BMP7: variants seen among roughly 807,000 people sequenced by gnomAD.
BMP7 encodes osteogenic protein 1.
A neutral mutation model predicts 41.2 loss-of-function variants in BMP7; 12 were observed. The observed-to-expected ratio is 0.29, with a 90% CI of 0.19 to 0.47. The LOEUF (loss-of-function observed/expected upper bound fraction) is 0.47. Ranked by LOEUF, BMP7 falls within the 20% of genes least tolerant of loss-of-function variation. BMP7 has a pLI of 0.99. For synonymous variants in BMP7, 248 were observed against 250.0 expected (o/e 0.99, Z 0.07); for missense variants, 467 against 606.0 (o/e 0.77, Z 2.41).
At chr20:57,195,229 C>T (rs948159820) in intron 3 of BMP7, among the ~76,000 whole-genome samples, 1 of 152,206 alleles carries the variant, frequency 6.6e-6, no homozygotes, top group African/African-American at 2.4e-5. Flanking sequence ...CCACCCACGC[C>T]GCACAGGGGT....
chr20:57,186,233 G>A (rs913194294), intron 3 of BMP7, among the ~76,000 whole-genome samples: 10 of 152,178 alleles, frequency 6.6e-5, no homozygotes, highest in Admixed American at 2.6e-4. Flanking sequence ...GGAATGCAAC[G>A]GAGACTGTGC....
chr20:57,198,591 A>T (rs1433840297), intron 3 of BMP7, among the ~76,000 whole-genome samples: 1 of 152,174 alleles, frequency 6.6e-6, no homozygotes, highest in Non-Finnish European at 1.5e-5. Flanking sequence ...GCTGCTCCGC[A>T]TGGTGACTCA....
chr20:57,220,381 C>T (rs1486873876), intron 2 of BMP7, among the ~76,000 whole-genome samples: 2 of 152,176 alleles, frequency 1.3e-5, no homozygotes, highest in African/African-American at 4.8e-5. Context: ...CAGATGACTG[C>T]TTGTGACCAA....
chr20:57,183,355 C>T (rs1035252433), intron 4 of BMP7, among the ~76,000 whole-genome samples: 9 of 151,650 alleles, frequency 5.9e-5, no homozygotes, highest in Non-Finnish European at 1.2e-4. Flanking sequence ...CTTCTACCTC[C>T]CCATTTCTTC....
intron 1 of BMP7, among the ~76,000 whole-genome samples, chr20:57,264,316 A>C (rs1475175100): frequency 6.6e-6 from 1 of 152,220 alleles, no homozygotes; most frequent in Non-Finnish European, 1.5e-5. Context: ...ATGTTGACAC[A>C]GCGCCCGTGG....
In BMP7 at chr20:57,213,542, T is replaced by C. The variant is rs202156173; in HGVS notation, c.612-10919A>G. 1.3e-5 allele frequency among the ~76,000 whole-genome samples: 2 copies of C among 152,194 alleles called. No homozygotes were observed. Among genetic ancestry groups the C allele is most frequent in the East Asian group, 1.9e-4 (1 of 5,190 alleles). ...TGTCTGCTCCGGCAATGGAGCGCAG[T>C]AACGAGCCGTTCAAACTTGTGTCAA... On this transcript the variant is annotated intron_variant, in intron 2 of 6. Coordinates refer to ENST00000395863, the MANE Select transcript of BMP7 (RefSeq NM_001719.3). This position sits in a 1 kb window ranked among gnomAD's most constrained non-coding sequence, Gnocchi z 4.4.
Position 57,266,110 on chromosome 20 carries a change from A to T in BMP7, c.13T>A (p.Ser5Thr). 1 of 1,534,514 alleles carries T rather than the reference A, an allele frequency of 6.5e-7. No homozygotes were observed. Among genetic ancestry groups the T allele is most frequent in the Admixed American group, 2.0e-5 (1 of 50,874 alleles). Residue 5 changes from serine (S) to threonine (T), a missense_variant, in exon 1 of 7, where the codon TCA becomes ACA. Physicochemically the swap from Ser to Thr is moderately conservative, Grantham distance 58. Around this residue, in one of 2 missense-constraint regions of BMP7, gnomAD observed 407 missense variants for 485.9 expected, o/e 0.84. Transcript: ENST00000395863. ...CTGTGCGGCGCCGCAGCTCGCAGTG[A>T]GCGCACGTGCATCGCGCCGGCTCTA... Reference protein sequence around the residue: MHVRSLRAAAPHSFV... With the variant: MHVRTLRAAAPHSFV...
chr20:57,260,146 C>T (rs1191871516), intron 1 of BMP7, among the ~76,000 whole-genome samples: 1 of 152,208 alleles, frequency 6.6e-6, no homozygotes, highest in Non-Finnish European at 1.5e-5. Flanking sequence ...CTGCCCAGTA[C>T]ATGACCCTTG....
intron 3 of BMP7, among the ~76,000 whole-genome samples, chr20:57,201,376 C>T (rs763549672): frequency 8.5e-5 from 13 of 152,196 alleles, no homozygotes; most frequent in Admixed American, 1.3e-4. Context: ...AGCTCTTTAA[C>T]GGCTGACAGG....
chr20:57,256,370 A>G (rs181707259), intron 1 of BMP7, among the ~76,000 whole-genome samples: 3 of 152,300 alleles, frequency 2.0e-5, no homozygotes, highest in Admixed American at 2.0e-4. Flanking sequence ...CTTGTGAGAG[A>G]CACTTCAATC....
At chr20:57,240,397 A>G (rs1351732827) in intron 1 of BMP7, among the ~76,000 whole-genome samples, 1 of 152,202 alleles carries the variant, frequency 6.6e-6, no homozygotes, top group African/African-American at 2.4e-5. Flanking sequence ...CCATATCACT[A>G]TCAGCGTTTT....
intron 1 of BMP7, among the ~76,000 whole-genome samples, chr20:57,242,845 A>G (rs1437463957): frequency 3.3e-5 from 5 of 152,096 alleles, no homozygotes; most frequent in African/African-American, 1.2e-4. Context: ...TCTACTAAAA[A>G]TACAAAAATT....
At chr20:57,178,703 G>T (rs568180683) in intron 4 of BMP7, among the ~76,000 whole-genome samples, 22 of 152,138 alleles carry the variant, frequency 1.4e-4, no homozygotes, top group Admixed American at 5.2e-4. Context: ...CTTCCCTGTG[G>T]GGGGGTAGAA....
chr20:57,170,827 T>C lies in BMP7; in HGVS notation c.*132A>G, dbSNP rs146474821. On this transcript the variant is annotated 3_prime_UTR_variant, in exon 7 of 7. Transcript: ENST00000395863. ...ATGCTGCTCATGTTTCCTAATACTC[T>C]CACACCTTTAAAGTTGGGGATAGGG... The C allele has an allele frequency of 3.9e-4, 465 of 1,185,260 alleles. 1 individual carries two copies. In the African/African-American group the frequency reaches 5.6e-3, roughly 14 times the overall value. The allele number at this position is 1,185,260 out of a possible 1,614,324, so 73.4% of individuals were successfully genotyped here.
At chr20:57,190,136 G>A (rs368917493) in intron 3 of BMP7, among the ~76,000 whole-genome samples, 48 of 152,208 alleles carry the variant, frequency 3.2e-4, no homozygotes, top group African/African-American at 1.1e-3. Context: ...GATAGTGAGC[G>A]AGGAACCGGA....
intron 4 of BMP7, among the ~76,000 whole-genome samples, chr20:57,182,696 A>G (rs1984113199): frequency 1.3e-5 from 2 of 152,326 alleles, no homozygotes; most frequent in East Asian, 3.9e-4. Flanking sequence ...GTGAAGTGGG[A>G]GGCCATCTAC....
chr20:57,250,128 C>T (rs2066106203), intron 1 of BMP7, among the ~76,000 whole-genome samples: 1 of 151,872 alleles, frequency 6.6e-6, no homozygotes, highest in African/African-American at 2.4e-5. Context: ...TGGGCTGGTC[C>T]TCACTTAAAA....
chr20:57,241,397 G>C (rs956371105), intron 1 of BMP7, among the ~76,000 whole-genome samples: 9 of 152,184 alleles, frequency 5.9e-5, no homozygotes, highest in African/African-American at 2.2e-4. Flanking sequence ...GAGGGAGGGA[G>C]GCTGACAGCC....
In BMP7 at chr20:57,171,163, T is replaced by C. The variant is rs1179537222; in HGVS notation, c.1147-55A>G. 13 of 1,610,982 alleles carry C rather than the reference T, an allele frequency of 8.1e-6. No individual in the cohort carries two copies. The highest frequency in any genetic ancestry group is 5.5e-5 in the South Asian group (5 of 90,784). ...GTGAGAAGCGGTGAGTCGTTCTAAC[T>C]GGCCTCCACGTTTCTATAAAGAAAC... On this transcript the variant is annotated intron_variant, in intron 6 of 6. Coordinates refer to ENST00000395863, the MANE Select transcript of BMP7 (RefSeq NM_001719.3). The surrounding 1 kb of genome is among the most constrained non-coding windows in gnomAD (Gnocchi z 4.5).
Sources: allele counts gnomAD v4.1 joint callset (sites outside exome capture counted in the v4.1 genomes callset), GRCh38; gene constraint gnomAD v4.1.1; regional missense constraint gnomAD v4.1.1; non-coding constraint Gnocchi (gnomAD v3.1); transcripts MANE v1.5; gene names NCBI Gene and HGNC (gene_info 2026-07-23, HGNC 2026-07-21).